Variants in UACA observed in about 807,000 individuals in gnomAD.
The protein encoded by UACA is uveal autoantigen with coiled-coil domains and ankyrin repeats.
Under a neutral mutation model 160.5 loss-of-function variants are expected in UACA, and 112 were observed. That is an observed-to-expected ratio of 0.70 (90% CI 0.60 to 0.82). The LOEUF (loss-of-function observed/expected upper bound fraction) is 0.82, where lower values mean the gene tolerates loss of function less well. UACA is among the 40% of genes least tolerant of loss of function. UACA has a pLI of 0.00. For missense variants in UACA, 1,574 were observed against 1,614.6 expected (o/e 0.97, Z 0.43); for synonymous variants, 557 against 568.4 (o/e 0.98, Z 0.29).
chr15:70,686,904 A>G (rs1897744627), intron 7 of UACA, among the ~76,000 whole-genome samples: 2 of 152,194 alleles, frequency 1.3e-5, no homozygotes, highest in South Asian at 4.1e-4. Flanking sequence ...GCACCATGAT[A>G]CATTAGACCT....
chr15:70,690,407 C>G (rs962140009), intron 5 of UACA, 47 bp downstream of exon 5: 8 of 1,531,790 alleles, frequency 5.2e-6, no homozygotes, highest in African/African-American at 1.4e-5. Flanking sequence ...ATTCAAATGA[C>G]TAGACATTTT....
intron 1 of UACA, among the ~76,000 whole-genome samples, chr15:70,704,296 G>A (rs1007546734): frequency 1.3e-5 from 2 of 152,158 alleles, no homozygotes; most frequent in Non-Finnish European, 2.9e-5. Flanking sequence ...TTGTTCCCCA[G>A]TAAACTATCC....
intron 18 of UACA, among the ~76,000 whole-genome samples, 160 bp from the exon 19 acceptor site, chr15:70,657,287 C>G (rs1160392998): frequency 2.6e-5 from 4 of 152,130 alleles, no homozygotes; most frequent in Non-Finnish European, 2.9e-5. Context: ...AAAGGGAGTA[C>G]AGCCCTATCA....
chr15:70,772,492 CAAAAAA>C, the UACA span, among the ~76,000 whole-genome samples: 13 of 49,518 alleles, frequency 2.6e-4, no homozygotes, highest in African/African-American at 6.1e-4. Context: ...GCCTCCATCT[CAAAAAA>C]AAAAAAAAAA....
intron 3 of UACA, among the ~76,000 whole-genome samples, chr15:70,692,459 G>C (rs1566978486): frequency 6.6e-6 from 1 of 152,190 alleles, no homozygotes; most frequent in South Asian, 2.1e-4. Context: ...CATCACACCT[G>C]GCCACAAACT....
chr15:70,769,041 G>A, the UACA span, among the ~76,000 whole-genome samples: 13 of 152,110 alleles, frequency 8.5e-5, no homozygotes, highest in East Asian at 5.8e-4. Context: ...AGAAGAACAC[G>A]GCAGACAGAA....
intron 1 of UACA, among the ~76,000 whole-genome samples, chr15:70,756,569 T>C (rs1279708498): frequency 6.6e-6 from 1 of 152,134 alleles, no homozygotes; most frequent in Non-Finnish European, 1.5e-5. Context: ...CTCCAAAATA[T>C]TTCTTTGAAA....
chr15:70,778,646 A>G, the UACA span: 1 of 152,196 alleles, frequency 6.6e-6, no homozygotes, highest in Non-Finnish European at 1.5e-5. Flanking sequence ...CACATCTACA[A>G]AGACCCCTCT....
upstream of UACA, among the ~76,000 whole-genome samples, chr15:70,767,260 AAAAC>A: frequency 4.1e-5 from 5 of 122,892 alleles, no homozygotes; most frequent in African/African-American, 2.0e-4. Context: ...AAAAAAACAA[AAAAC>A]AAAAACAAAA....
At chr15:70,759,568 T>C (rs942014827) in intron 1 of UACA, among the ~76,000 whole-genome samples, 1 of 152,138 alleles carries the variant, frequency 6.6e-6, no homozygotes, top group Non-Finnish European at 1.5e-5. Flanking sequence ...GGCAGGAGAA[T>C]TGCTTGAACC....
At chr15:70,659,329 T>C (rs1172254599) in intron 18 of UACA, among the ~76,000 whole-genome samples, 13 of 149,756 alleles carry the variant, frequency 8.7e-5, no homozygotes, top group Admixed American at 8.0e-4. Flanking sequence ...TAGTTCTCTT[T>C]TTAAAATTGT....
Position 70,667,720 on chromosome 15 carries a change from A to C in UACA, c.2964T>G (p.Ile988Met). The change falls in exon 16 of 19, where the codon ATT becomes ATG. Residue 988 changes from isoleucine to methionine, a missense_variant. Ile to Met is a conservative substitution (Grantham distance 10). Transcript: ENST00000322954. ...TTCTCTCGCACTCCTCAAAGCTGAC[A>C]ATTGGGGCGTATTTTACCTTAATGC... ...QECIKVKYAP[I>M]VSFEECERKF... is the part of the protein sequence containing the mutation. The C allele has an allele frequency of 1.2e-6, 2 of 1,613,990 alleles. No individual in the cohort carries two copies. Among genetic ancestry groups the C allele is most frequent in the Non-Finnish European group, 1.7e-6 (2 of 1,179,976 alleles).
Position 70,667,025 on chromosome 15 carries a change from G to C in UACA, c.3659C>G (p.Thr1220Ser). ...TTTAGACAAGTCAACTACCTCTCTAGTCTCTAATTTTTTTAATGCTTGTTT... is the reference window on the plus strand; with the variant it reads ...TTTAGACAAGTCAACTACCTCTCTACTCTCTAATTTTTTTAATGCTTGTTT... Reference protein sequence around the residue: ...NTKQALKKLETREVVDLSKYK... With the variant: ...NTKQALKKLESREVVDLSKYK... The change falls in exon 16 of 19, where the codon ACT becomes AGT. Residue 1220 changes from threonine (T) to serine (S), a missense_variant. Coordinates refer to ENST00000322954, the MANE Select transcript of UACA (RefSeq NM_018003.4). The C allele has an allele frequency of 6.2e-7, 1 of 1,613,350 alleles. No individual in the cohort carries two copies. Among genetic ancestry groups the C allele is most frequent in the Non-Finnish European group, 8.5e-7 (1 of 1,179,902 alleles).
intron 1 of UACA, among the ~76,000 whole-genome samples, chr15:70,725,389 T>C (rs1899114032): frequency 6.6e-6 from 1 of 152,208 alleles, no homozygotes; most frequent in East Asian, 1.9e-4. Context: ...CACTCTTTCC[T>C]CTGACCAAGA....
At chr15:70,721,378 C>G (rs1054995756) in intron 1 of UACA, among the ~76,000 whole-genome samples, 2 of 152,304 alleles carry the variant, frequency 1.3e-5, no homozygotes, top group South Asian at 2.1e-4. Flanking sequence ...GTAATCCCAG[C>G]ACTCTGGGAG....
At chr15:70,661,730 G>A (rs1297440978) in intron 17 of UACA, 1 of 152,108 alleles carries the variant, frequency 6.6e-6, no homozygotes, top group Non-Finnish European at 1.5e-5. Flanking sequence ...CTTGAGCCCA[G>A]GAGATCAGCC....
chr15:70,679,081 C>T (rs1897388072), intron 10 of UACA, among the ~76,000 whole-genome samples: 1 of 152,012 alleles, frequency 6.6e-6, no homozygotes, highest in South Asian at 2.1e-4. Flanking sequence ...TGGACTCAAA[C>T]ATTGATAACA....
chr15:70,767,405 A>G (rs1188075750), upstream of UACA, among the ~76,000 whole-genome samples: 1 of 151,748 alleles, frequency 6.6e-6, no homozygotes, highest in African/African-American at 2.4e-5. Flanking sequence ...CCTGGTGAAC[A>G]TGGTGAAACC....
chr15:70,744,960 G>A (rs1274977305), intron 1 of UACA, among the ~76,000 whole-genome samples: 1 of 152,116 alleles, frequency 6.6e-6, no homozygotes, highest in Non-Finnish European at 1.5e-5. Context: ...ATACACAAGT[G>A]TAATGTTTTC....
Sources: allele counts gnomAD v4.1 joint callset (sites outside exome capture counted in the v4.1 genomes callset), GRCh38; gene constraint gnomAD v4.1.1; transcripts MANE v1.5; gene names NCBI Gene and HGNC (gene_info 2026-07-23, HGNC 2026-07-21).